The following TMEM123 variants were observed in gnomAD, a reference collection of about 807,000 sequenced individuals.
TMEM123 encodes the protein porimin.
In TMEM123, 16 loss-of-function variants were observed where a neutral mutation model predicts 19.7. The ratio of observed to expected loss-of-function variants is 0.81; its 90% CI spans 0.55 to 1.23. TMEM123 has a LOEUF of 1.23. Ranked by LOEUF, TMEM123 falls within the 50% of genes most tolerant of loss-of-function variation. The pLI, the probability that TMEM123 is intolerant of heterozygous loss-of-function variation, is 0.00. For missense variants in TMEM123, 313 were observed against 257.8 expected (o/e 1.21, Z -1.47); for synonymous variants, 118 against 99.4 (o/e 1.19, Z -1.12).
chr11:102,406,907 C>T (rs1010979729), intron 2 of TMEM123, among the ~76,000 whole-genome samples: 1 of 150,086 alleles, frequency 6.7e-6, no homozygotes, highest in African/African-American at 2.5e-5. Context: ...CAAGAGAGTA[C>T]AGCTTAGAGA....
chr11:102,404,217 TCA>T (rs1951934869), intron 2 of TMEM123, among the ~76,000 whole-genome samples: 2 of 152,314 alleles, frequency 1.3e-5, no homozygotes, highest in East Asian at 3.9e-4. Context: ...AAGTGATACT[TCA>T]TATATTATCC....
At chr11:102,433,503 CTTGCTT>C (rs1033701747) in intron 2 of TMEM123, among the ~76,000 whole-genome samples, 1 of 151,838 alleles carries the variant, frequency 6.6e-6, no homozygotes, top group African/African-American at 2.4e-5. Context: ...AAGTAACTAA[CTTGCTT>C]TTGATTTTAC....
At chr11:102,437,428 A>T (rs1857775591) in intron 2 of TMEM123, among the ~76,000 whole-genome samples, 1 of 151,504 alleles carries the variant, frequency 6.6e-6, no homozygotes, top group South Asian at 2.1e-4. Flanking sequence ...ACTGTACTCC[A>T]GCCTGGGTGA....
At chr11:102,410,736 G>A (rs78961733) in intron 2 of TMEM123, among the ~76,000 whole-genome samples, 2,391 of 151,948 alleles carry the variant, frequency 0.016, 79 homozygotes, top group African/African-American at 0.055. Context: ...TCTCTGTACC[G>A]AGAACTATGC....
chr11:102,439,586 A>C (rs1027339259), intron 2 of TMEM123, among the ~76,000 whole-genome samples: 2 of 152,194 alleles, frequency 1.3e-5, no homozygotes, highest in Non-Finnish European at 2.9e-5. Context: ...AACCACAAAG[A>C]TGGGGAGAAA....
At chr11:102,435,110 CAGA>C (rs1464514745) in intron 2 of TMEM123, among the ~76,000 whole-genome samples, 1 of 151,910 alleles carries the variant, frequency 6.6e-6, no homozygotes, top group Non-Finnish European at 1.5e-5. Flanking sequence ...GAGGCCAAGG[CAGA>C]AGGATTGCTT....
chr11:102,403,392 A>T (rs1951929378), intron 2 of TMEM123, among the ~76,000 whole-genome samples: 1 of 152,222 alleles, frequency 6.6e-6, no homozygotes, highest in Non-Finnish European at 1.5e-5. Flanking sequence ...ATGGCCTATA[A>T]CCAGAAGCAA....
At chr11:102,406,375 T>C (rs1951955307) in intron 2 of TMEM123, among the ~76,000 whole-genome samples, 1 of 152,178 alleles carries the variant, frequency 6.6e-6, no homozygotes, top group Admixed American at 6.5e-5. Context: ...AAGCATCTAC[T>C]GGACTTGGAT....
At chr11:102,402,714 T>C (rs1162330062) in intron 2 of TMEM123, among the ~76,000 whole-genome samples, 1 of 152,224 alleles carries the variant, frequency 6.6e-6, no homozygotes, top group Non-Finnish European at 1.5e-5. Flanking sequence ...AGTGAGTTAT[T>C]TTTTGTAAAA....
Position 102,403,558 on chromosome 11 carries a change from T to G in TMEM123, c.158-1352A>C, listed in dbSNP as rs1951930707. On this transcript the variant is annotated intron_variant, in intron 2 of 4. Transcript: ENST00000398136. ...CATTTAATATGATGTAATATATTTC[T>G]GTATTCATTTCCTGTCTCATAGTTT... is the stretch of plus-strand genomic sequence containing the variant. 2.0e-5 allele frequency among the ~76,000 whole-genome samples: 3 copies of G among 152,368 alleles called. No individual in the cohort carries two copies. The South Asian group carries it at 6.2e-4, about 32-fold the overall frequency.
At chr11:102,399,672 A>C (rs913219849) in intron 4 of TMEM123, among the ~76,000 whole-genome samples, 4 of 152,202 alleles carry the variant, frequency 2.6e-5, no homozygotes, top group African/African-American at 9.7e-5. Flanking sequence ...TATAACTTTT[A>C]AAAATATGTT....
chr11:102,420,903 CAGGTG>C (rs1329452029), intron 2 of TMEM123, among the ~76,000 whole-genome samples: 1 of 152,080 alleles, frequency 6.6e-6, no homozygotes, highest in Non-Finnish European at 1.5e-5. Flanking sequence ...AAAAATTACC[CAGGTG>C]GGGTGGTGCA....
rs1951878267 is a variant in TMEM123, at chr11:102,398,251, A to T, written c.*616T>A. The T allele has an allele frequency of 9.0e-6, 2 of 221,290 alleles. No individual in the cohort carries two copies. The highest frequency in any genetic ancestry group is 4.5e-5 in the African/African-American group (2 of 44,520). The allele number at this position is 221,290 out of a possible 1,614,324, so 13.7% of individuals were successfully genotyped here. ...CTTAATGCTCCAATGGATCCCTAAC[A>T]GGGCTAAGCAAAGCTATTATTTTGG... is the stretch of plus-strand genomic sequence containing the variant. On this transcript the variant is annotated 3_prime_UTR_variant, in exon 5 of 5. Coordinates refer to ENST00000398136, the MANE Select transcript of TMEM123 (RefSeq NM_052932.3).
chr11:102,440,241 T>TA (rs1251964069), intron 2 of TMEM123, among the ~76,000 whole-genome samples: 4 of 151,900 alleles, frequency 2.6e-5, no homozygotes, highest in Non-Finnish European at 5.9e-5. Flanking sequence ...CCAGGACACA[T>TA]AATTGTCAGA....
chr11:102,434,203 TCA>T (rs1171656900), intron 2 of TMEM123, among the ~76,000 whole-genome samples: 1 of 151,920 alleles, frequency 6.6e-6, no homozygotes, highest in African/African-American at 2.4e-5. Flanking sequence ...ATTTACATTC[TCA>T]CCAACAGTGT....
At chr11:102,418,705 T>A (rs897341552) in intron 2 of TMEM123, among the ~76,000 whole-genome samples, 1 of 152,174 alleles carries the variant, frequency 6.6e-6, no homozygotes, top group Non-Finnish European at 1.5e-5. Flanking sequence ...CATGCACACA[T>A]ACGTTAACTG....
intron 2 of TMEM123, among the ~76,000 whole-genome samples, chr11:102,429,078 C>T (rs1334612929): frequency 6.6e-6 from 1 of 152,098 alleles, no homozygotes; most frequent in Non-Finnish European, 1.5e-5. Flanking sequence ...GAGTAGAATA[C>T]ACCAGGATGG....
In TMEM123 at chr11:102,402,180, G is replaced by C. The variant is rs754495905; in HGVS notation, c.184C>G (p.His62Asp). Residue 62 changes from histidine to aspartate, a missense_variant, in exon 3 of 5, where the codon CAT becomes GAT. Transcript: ENST00000398136. Reference protein sequence around the residue: ...TETLQHVPSDHTNETSNSTVK... With the variant: ...TETLQHVPSDDTNETSNSTVK... ...GTACTGTTGGAAGTTTCATTTGTAT[G>C]GTCAGAAGGCACATGTTGGAGAGTC... 6.2e-7 allele frequency: 1 copy of C among 1,613,966 alleles called. No homozygotes were observed. Among genetic ancestry groups the C allele is most frequent in the South Asian group, 1.1e-5 (1 of 91,068 alleles).
rs777889166 is a variant in TMEM123 at position 102,398,836 on chromosome 11, TC to T, written c.*30del. ...AAATTAATTGATAGGGCAGCATCAA[TC>T]TGTATTCCATCCTTGGTCCATGGAT... On this transcript the variant is annotated 3_prime_UTR_variant, in exon 5 of 5. Transcript: ENST00000398136. 6.2e-7 allele frequency: 1 copy of T among 1,607,338 alleles called. No individual in the cohort carries two copies. Among genetic ancestry groups the T allele is most frequent in the African/African-American group, 1.3e-5 (1 of 74,618 alleles).
Sources: allele counts gnomAD v4.1 joint callset (sites outside exome capture counted in the v4.1 genomes callset), GRCh38; gene constraint gnomAD v4.1.1; transcripts MANE v1.5; gene names NCBI Gene and HGNC (gene_info 2026-07-23, HGNC 2026-07-21).